ABCC1: variants seen among roughly 807,000 people sequenced by gnomAD.
ABCC1 encodes multidrug resistance-associated protein 1.
A neutral mutation model predicts 172.9 loss-of-function variants in ABCC1; 83 were observed. The observed-to-expected ratio is 0.48, with a 90% CI of 0.40 to 0.58. The LOEUF is 0.58. Among genes scored for constraint, ABCC1 ranks in the 20% least tolerant of loss-of-function variants. ABCC1 has a pLI of 0.00. For synonymous variants in ABCC1, 937 were observed against 825.2 expected, an observed-to-expected ratio of 1.14 and a Z score of -2.32; for missense variants, 1,817 against 2,002.7, an observed-to-expected ratio of 0.91 and a Z score of 1.77.
intron 22 of ABCC1, among the ~76,000 whole-genome samples, chr16:16,113,067 C>T (rs1596523379): frequency 6.6e-6 from 1 of 152,160 alleles, no homozygotes; most frequent in South Asian, 2.1e-4. Context: ...ACAGTGCGCT[C>T]CTGTGGATTG....
chr16:15,956,983 C>T (rs910208472), intron 1 of ABCC1, among the ~76,000 whole-genome samples: 2 of 152,104 alleles, frequency 1.3e-5, no homozygotes, highest in African/African-American at 4.8e-5. Flanking sequence ...GTCGAAACTT[C>T]TTTGTAAGGA....
Position 16,136,518 on chromosome 16 carries a change from A to G in ABCC1, c.4166A>G (p.Asp1389Gly), listed in dbSNP as rs2045923982. ...TCGGGTTCCCTCCGAATGAACCTGG[A>G]CCCATTCAGCCAGTACTCGGATGAA... ...LFSGSLRMNLDPFSQYSDEEV... is the reference protein window; with the variant it reads ...LFSGSLRMNLGPFSQYSDEEV... The change falls in exon 29 of 31, where the codon GAC (aspartate) becomes GGC (glycine). Residue 1389 changes from aspartate to glycine, a missense_variant. Asp to Gly is a moderately conservative substitution (Grantham distance 94). Around this residue, in one of 3 missense-constraint regions of ABCC1, gnomAD observed 1,412 missense variants for 1,600.3 expected, o/e 0.88. Transcript: ENST00000399410. 1 of 1,613,952 alleles carries G rather than the reference A, an allele frequency of 6.2e-7. No homozygotes were observed. The highest frequency in any genetic ancestry group is 1.3e-5 in the African/African-American group (1 of 74,878).
chr16:16,130,665 A>G (rs1224151949), intron 26 of ABCC1, among the ~76,000 whole-genome samples: 4 of 152,204 alleles, frequency 2.6e-5, no homozygotes, highest in Non-Finnish European at 4.4e-5. Context: ...AAATACATCT[A>G]TTACCTTATC....
chr16:15,961,946 C>A (rs2046143681), intron 1 of ABCC1, among the ~76,000 whole-genome samples: 1 of 152,262 alleles, frequency 6.6e-6, no homozygotes, highest in Middle Eastern at 3.4e-3. Context: ...GTAAATGATT[C>A]AGCAGAATAA....
chr16:16,116,387 A>G (rs908429111), intron 23 of ABCC1, among the ~76,000 whole-genome samples: 2 of 152,150 alleles, frequency 1.3e-5, no homozygotes, highest in African/African-American at 4.8e-5. Flanking sequence ...GATGCCTTAA[A>G]CTGCAGATAG....
intron 18 of ABCC1, 147 bp from the exon 19 acceptor site, chr16:16,090,258 G>T (rs537652008): frequency 2.7e-6 from 2 of 728,074 alleles, no homozygotes; most frequent in Non-Finnish European, 4.3e-6. Flanking sequence ...CCTGGATGCT[G>T]TTATCGCGGG....
rs146752855 is a variant in ABCC1 at position 15,968,406 on chromosome 16, A to C, written c.48+18607A>C. ...CCTCTCTTCTCCACAGATCCTAAAG[A>C]TATAGTAATTTTTTTTTTTGAGACA... On this transcript the variant is annotated intron_variant, in intron 1 of 30. Transcript: ENST00000399410. Among the ~76,000 whole-genome samples the C allele has an allele frequency of 3.1e-3, 465 of 151,600 alleles. 2 individuals are homozygous for C. The highest frequency in any genetic ancestry group is 0.011 in the African/African-American group (434 of 41,294).
chr16:16,134,761 T>C (rs1369683874), intron 28 of ABCC1, among the ~76,000 whole-genome samples: 2 of 151,346 alleles, frequency 1.3e-5, no homozygotes, highest in Admixed American at 6.6e-5. Context: ...CCCAGCCTCC[T>C]GAGTAGCTGG....
chr16:15,950,156 G>C (rs940654675), intron 1 of ABCC1, among the ~76,000 whole-genome samples: 4 of 152,092 alleles, frequency 2.6e-5, no homozygotes, highest in Non-Finnish European at 4.4e-5. Flanking sequence ...GCGGGAAGAG[G>C]GGTGTCTCTC....
chr16:16,125,738 G>GAAAAAAAAA, intron 25 of ABCC1, 72 bp from the exon 26 acceptor site: 2 of 181,938 alleles, frequency 1.1e-5, no homozygotes, highest in South Asian at 5.6e-5. Flanking sequence ...TTATCTCAGT[G>GAAAAAAAAA]GAAAAAAAGA....
At chr16:15,955,974 G>A (rs150363372) in intron 1 of ABCC1, among the ~76,000 whole-genome samples, 2 of 152,124 alleles carry the variant, frequency 1.3e-5, no homozygotes, top group East Asian at 1.9e-4. Context: ...AGGATGCAGC[G>A]CGGTGGCTTA....
intron 12 of ABCC1, among the ~76,000 whole-genome samples, chr16:16,058,870 G>A (rs1265743446): frequency 1.3e-5 from 2 of 151,460 alleles, no homozygotes; most frequent in African/African-American, 2.4e-5. Flanking sequence ...TGGCCAGGCT[G>A]GTCTCGAACT....
At chr16:15,976,303 G>A (rs1404468819) in intron 1 of ABCC1, among the ~76,000 whole-genome samples, 4 of 152,136 alleles carry the variant, frequency 2.6e-5, no homozygotes, top group Non-Finnish European at 4.4e-5. Flanking sequence ...AAGGCGGATC[G>A]TTAAGGCTTC....
chr16:16,048,096 C>T (rs2049290018), intron 9 of ABCC1, 46 bp from the exon 10 acceptor site: 4 of 1,607,024 alleles, frequency 2.5e-6, no homozygotes, highest in Admixed American at 1.7e-5. Flanking sequence ...AGTCAGGCCT[C>T]TTCAGCTGCC....
chr16:16,040,519 T>A (rs191139591), intron 7 of ABCC1, among the ~76,000 whole-genome samples: 16 of 152,194 alleles, frequency 1.1e-4, no homozygotes, highest in Admixed American at 6.5e-4. Flanking sequence ...ACTCCTGACA[T>A]CAGGTGATCT....
chr16:16,073,732 G>T (rs964520175), intron 14 of ABCC1, among the ~76,000 whole-genome samples: 1 of 152,166 alleles, frequency 6.6e-6, no homozygotes, highest in Non-Finnish European at 1.5e-5. Flanking sequence ...ACTCCAGCCT[G>T]GGTGTCAGAG....
intron 20 of ABCC1, among the ~76,000 whole-genome samples, chr16:16,103,317 T>C (rs1385278969): frequency 6.6e-6 from 1 of 152,148 alleles, no homozygotes; most frequent in African/African-American, 2.4e-5. Context: ...GGGTGGCTCA[T>C]GCCTATAATC....
At chr16:16,111,259 G>T (rs2052374583) in intron 21 of ABCC1, 116 bp from the exon 22 acceptor site, 1 of 821,516 alleles carries the variant, frequency 1.2e-6, no homozygotes. Context: ...TTCTACGTAG[G>T]AGCAAAGGCA....
chr16:16,067,021 C>A (rs1442377049), intron 12 of ABCC1, among the ~76,000 whole-genome samples: 2 of 151,960 alleles, frequency 1.3e-5, no homozygotes, highest in East Asian at 3.9e-4. Context: ...GTGGCCGAGG[C>A]AGGCAGATGG....
Sources: allele counts gnomAD v4.1 joint callset (sites outside exome capture counted in the v4.1 genomes callset), GRCh38; gene constraint gnomAD v4.1.1; regional missense constraint gnomAD v4.1.1; transcripts MANE v1.5; gene names NCBI Gene and HGNC (gene_info 2026-07-23, HGNC 2026-07-21).